The following GRIK2 variants were observed in gnomAD, a reference collection of about 807,000 sequenced individuals.
GRIK2 encodes the protein glutamate receptor ionotropic, kainate 2.
In GRIK2, 32 loss-of-function variants were observed where a neutral mutation model predicts 100.3. The ratio of observed to expected loss-of-function variants is 0.32; its 90% CI spans 0.24 to 0.43. The LOEUF is 0.43. Among genes scored for constraint, GRIK2 ranks in the 20% least tolerant of loss-of-function variants. GRIK2 has a pLI of 1.00. For synonymous variants in GRIK2, 417 were observed against 389.4 expected (o/e 1.07, Z -0.83); for missense variants, 843 against 1,114.9 (o/e 0.76, Z 3.47).
At chr6:101,994,883 AAGT>A (rs772396566) in intron 14 of GRIK2, among the ~76,000 whole-genome samples, 14 of 152,034 alleles carry the variant, frequency 9.2e-5, no homozygotes, top group Non-Finnish European at 1.3e-4. Flanking sequence ...AGAAAAATAG[AAGT>A]AGGCTATACC....
At chr6:101,601,513 C>T (rs1168045102) in intron 2 of GRIK2, among the ~76,000 whole-genome samples, 2 of 151,928 alleles carry the variant, frequency 1.3e-5, no homozygotes, top group East Asian at 3.9e-4. Flanking sequence ...GAATTAGTAC[C>T]AGCCCTTCTT....
chr6:101,825,514 C>T (rs536710870), intron 10 of GRIK2, among the ~76,000 whole-genome samples: 2 of 151,918 alleles, frequency 1.3e-5, no homozygotes, highest in African/African-American at 4.8e-5. Context: ...CTTCTAAGTG[C>T]CAGAACCTCA....
chr6:101,804,691 C>T (rs1274389700), intron 9 of GRIK2, among the ~76,000 whole-genome samples: 3 of 151,984 alleles, frequency 2.0e-5, no homozygotes, highest in South Asian at 4.1e-4. Flanking sequence ...CTGGCATAAA[C>T]CTTCCCCTGA....
At chr6:101,985,383 T>G (rs2128490591) in intron 14 of GRIK2, among the ~76,000 whole-genome samples, 1 of 151,914 alleles carries the variant, frequency 6.6e-6, no homozygotes, top group Admixed American at 6.6e-5. Context: ...AAGTTTCACC[T>G]CCTTTTATCA....
chr6:101,868,632 CAAAA>C (rs1478794022), intron 11 of GRIK2, among the ~76,000 whole-genome samples: 1 of 150,602 alleles, frequency 6.6e-6, no homozygotes, highest in Non-Finnish European at 1.5e-5. Flanking sequence ...AACAGAAAGA[CAAAA>C]AAGCCCCACA....
At chr6:101,885,064 G>A (rs1453162703) in intron 11 of GRIK2, among the ~76,000 whole-genome samples, 1 of 152,046 alleles carries the variant, frequency 6.6e-6, no homozygotes, top group African/African-American at 2.4e-5. Flanking sequence ...GCTTTCAAGT[G>A]TTTTTACTCT....
intron 12 of GRIK2, among the ~76,000 whole-genome samples, chr6:101,921,815 T>C (rs1213101516): frequency 3.9e-5 from 6 of 152,076 alleles, no homozygotes; most frequent in Admixed American, 6.6e-5. Context: ...TTCCCAAGTA[T>C]TGCCATAAAG....
intron 14 of GRIK2, among the ~76,000 whole-genome samples, chr6:101,954,129 C>G (rs1489676411): frequency 6.6e-6 from 1 of 152,134 alleles, no homozygotes; most frequent in Non-Finnish European, 1.5e-5. Flanking sequence ...TCCATATCTA[C>G]ATACCACATG....
chr6:101,861,214 A>G (rs1362017266), intron 11 of GRIK2, among the ~76,000 whole-genome samples: 1 of 152,216 alleles, frequency 6.6e-6, no homozygotes, highest in Non-Finnish European at 1.5e-5. Flanking sequence ...TATAGTAGAT[A>G]ATCAATAAAT....
chr6:101,752,262 C>G (rs533653661), intron 7 of GRIK2, among the ~76,000 whole-genome samples: 1 of 152,086 alleles, frequency 6.6e-6, no homozygotes, highest in Non-Finnish European at 1.5e-5. Context: ...CCTCAACGAG[C>G]CTCAAAATAA....
chr6:101,763,745 C>T (rs1328467590), intron 7 of GRIK2, among the ~76,000 whole-genome samples: 2 of 152,028 alleles, frequency 1.3e-5, no homozygotes, highest in Non-Finnish European at 2.9e-5. Context: ...TTTTTCTGGA[C>T]TAGTTTCATA....
intron 2 of GRIK2, among the ~76,000 whole-genome samples, chr6:101,446,196 C>T (rs929534482): frequency 5.3e-5 from 8 of 151,784 alleles, no homozygotes; most frequent in African/African-American, 1.9e-4. Context: ...GTACTTAGTC[C>T]ACTGCTCTGT....
intron 7 of GRIK2, among the ~76,000 whole-genome samples, chr6:101,703,474 A>G (rs1215996617): frequency 6.6e-6 from 1 of 151,896 alleles, no homozygotes; most frequent in Non-Finnish European, 1.5e-5. Flanking sequence ...ATTTGACACG[A>G]AAGCATTGTT....
At position 101,911,656 on chromosome 6, in the gene GRIK2, C is replaced by T. The variant is rs552165607; in HGVS notation, c.1749-12945C>T. On this transcript the variant is annotated intron_variant, in intron 12 of 16. Coordinates refer to ENST00000369134, the MANE Select transcript of GRIK2 (RefSeq NM_021956.5). ...GAAGCCCCTATTCTCAAAAATTTGC[C>T]TTTAATACTATTCAAATAATGGTCC... is the stretch of plus-strand genomic sequence containing the variant. 2.0e-5 allele frequency among the ~76,000 whole-genome samples: 3 copies of T among 151,342 alleles called. No homozygotes were observed. The South Asian group carries it at 6.2e-4, about 31-fold the overall frequency.
At chr6:101,460,916 G>A (rs1771273307) in intron 2 of GRIK2, among the ~76,000 whole-genome samples, 1 of 152,080 alleles carries the variant, frequency 6.6e-6, no homozygotes, top group Non-Finnish European at 1.5e-5. Context: ...TATGTAGGTG[G>A]TCATTTTGTG....
intron 11 of GRIK2, among the ~76,000 whole-genome samples, chr6:101,884,433 A>G (rs1462713367): frequency 6.6e-6 from 1 of 152,156 alleles, no homozygotes; most frequent in African/African-American, 2.4e-5. Flanking sequence ...TTATAAAAAT[A>G]AGATCATTAT....
intron 4 of GRIK2, among the ~76,000 whole-genome samples, chr6:101,632,288 T>C (rs2128320800): frequency 6.6e-6 from 1 of 152,194 alleles, no homozygotes; most frequent in African/African-American, 2.4e-5. Context: ...ATGGCTTTTC[T>C]TGGGTGGATC....
intron 15 of GRIK2, among the ~76,000 whole-genome samples, chr6:102,039,516 G>A (rs993185546): frequency 1.3e-5 from 2 of 151,416 alleles, no homozygotes; most frequent in African/African-American, 2.4e-5. Context: ...ATTAAGGAAT[G>A]TCTAAATTGT....
chr6:101,785,396 C>T (rs1316585944), intron 7 of GRIK2, among the ~76,000 whole-genome samples: 1 of 152,116 alleles, frequency 6.6e-6, no homozygotes, highest in African/African-American at 2.4e-5. Context: ...TTTGCCTAGA[C>T]CAATGTCCTA....
Sources: allele counts gnomAD v4.1 joint callset (sites outside exome capture counted in the v4.1 genomes callset), GRCh38; gene constraint gnomAD v4.1.1; transcripts MANE v1.5; gene names NCBI Gene and HGNC (gene_info 2026-07-23, HGNC 2026-07-21).